The following MYPN variants were observed in gnomAD, a reference collection of about 807,000 sequenced individuals.
MYPN encodes the protein myopalladin, also known as sarcomeric protein myopalladin, 145 kDa (MYOP).
In MYPN, 63 loss-of-function variants were observed where a neutral mutation model predicts 129.4. The ratio of observed to expected loss-of-function variants is 0.49; its 90% CI spans 0.40 to 0.60. The LOEUF is 0.60. MYPN is among the 20% of genes least tolerant of loss of function. The pLI is 0.00. For missense variants in MYPN, 1,596 were observed against 1,635.4 expected, an observed-to-expected ratio of 0.98 and a Z score of 0.42; for synonymous variants, 629 against 600.9, an observed-to-expected ratio of 1.05 and a Z score of -0.68.
chr10:68,147,136 G>A (rs1045434253), intron 4 of MYPN, among the ~76,000 whole-genome samples: 1 of 152,036 alleles, frequency 6.6e-6, no homozygotes, highest in African/African-American at 2.4e-5. Context: ...AAAACCCTAT[G>A]AGATAAGAAT....
At chr10:68,155,076 G>A (rs2042845220) in intron 6 of MYPN, among the ~76,000 whole-genome samples, 1 of 152,108 alleles carries the variant, frequency 6.6e-6, no homozygotes, top group Non-Finnish European at 1.5e-5. Flanking sequence ...AGCTACTTGG[G>A]AGGCTGAGGC....
At chr10:68,145,772 C>A (rs2042655807) in intron 4 of MYPN, among the ~76,000 whole-genome samples, 1 of 152,174 alleles carries the variant, frequency 6.6e-6, no homozygotes, top group South Asian at 2.1e-4. Context: ...AGGATGAGCT[C>A]CTTAAGGGCA....
intron 11 of MYPN, among the ~76,000 whole-genome samples, chr10:68,174,960 C>T (rs2043204064): frequency 6.6e-6 from 1 of 151,964 alleles, no homozygotes; most frequent in Non-Finnish European, 1.5e-5. Context: ...CATGGTGAAA[C>T]CCCCGTCTCT....
chr10:68,100,976 T>C (rs747990406), intron 1 of MYPN, among the ~76,000 whole-genome samples: 22 of 152,346 alleles, frequency 1.4e-4, no homozygotes, highest in Middle Eastern at 3.4e-3. Flanking sequence ...TGATCTTTCC[T>C]GGCACATGAT....
chr10:68,141,785 C>G (rs60353309), intron 2 of MYPN, among the ~76,000 whole-genome samples: 2 of 152,080 alleles, frequency 1.3e-5, no homozygotes, highest in African/African-American at 4.8e-5. Context: ...TATGGTGGGG[C>G]GACATAATGA....
At chr10:68,178,315 C>A (rs2043259873) in intron 12 of MYPN, among the ~76,000 whole-genome samples, 1 of 152,162 alleles carries the variant, frequency 6.6e-6, no homozygotes, top group Non-Finnish European at 1.5e-5. Flanking sequence ...TAGGCTGCAT[C>A]ATTTGCTATT....
chr10:68,123,328 G>C (rs934345858), intron 2 of MYPN, among the ~76,000 whole-genome samples: 1 of 151,864 alleles, frequency 6.6e-6, no homozygotes, highest in African/African-American at 2.4e-5. Flanking sequence ...GTAGTGAGCC[G>C]AGATCGCACC....
At chr10:68,091,986 G>C (rs1378565922) in intron 1 of MYPN, among the ~76,000 whole-genome samples, 1 of 151,998 alleles carries the variant, frequency 6.6e-6, no homozygotes, top group Admixed American at 6.6e-5. Flanking sequence ...GGAGGCCAAG[G>C]TGAATGGATT....
At chr10:68,143,165 T>C (rs2042604326) in intron 3 of MYPN, 50 bp downstream of exon 3, 1 of 1,548,222 alleles carries the variant, frequency 6.5e-7, no homozygotes, top group Non-Finnish European at 8.9e-7. Context: ...AGACATTTAG[T>C]TATAATAAAT....
chr10:68,156,344 TACTC>T (rs1419215644), intron 6 of MYPN, among the ~76,000 whole-genome samples: 3 of 152,196 alleles, frequency 2.0e-5, no homozygotes, highest in Admixed American at 6.5e-5. Context: ...GTGGAGGACA[TACTC>T]ACCAGTTTGC....
intron 13 of MYPN, among the ~76,000 whole-genome samples, chr10:68,189,801 C>T (rs1204162183): frequency 1.3e-5 from 2 of 152,190 alleles, no homozygotes; most frequent in Non-Finnish European, 2.9e-5. Context: ...TGTAACTTGG[C>T]TATCATGAAT....
In MYPN at chr10:68,211,410, G is replaced by A. The variant is rs1173389270; in HGVS notation, c.*955G>A. The A allele has an allele frequency of 4.4e-6, 2 of 454,080 alleles. No individual in the cohort carries two copies. Among genetic ancestry groups the A allele is most frequent in the Non-Finnish European group, 8.8e-6 (2 of 226,786 alleles). The allele number at this position is 454,080 out of a possible 1,614,324, so 28.1% of individuals were successfully genotyped here. A position where few individuals can be genotyped will look rare whatever the true frequency, so the allele number is the denominator to read the frequency against. ...ATACAAACAAGGAGAGGAAATGATG[G>A]GAGAGTGTTGTTTTTGTCACTTGCC... On this transcript the variant is annotated 3_prime_UTR_variant, in exon 20 of 20. Coordinates refer to ENST00000358913, the MANE Select transcript of MYPN (RefSeq NM_032578.4).
In MYPN at chr10:68,143,168, TAATA is replaced by T. The variant is rs1242553358; in HGVS notation, c.1078+62_1078+65del. 5 of 1,538,514 alleles carry T rather than the reference TAATA, an allele frequency of 3.2e-6. No homozygotes were observed. In the Admixed American group the frequency reaches 5.0e-5, roughly 15 times the overall value. ...CACTTAATAGTAAGACATTTAGTTATAATAAATAAATATTTATTGAGGGCCTCCT... is the reference window on the plus strand; with the variant it reads ...CACTTAATAGTAAGACATTTAGTTATAATAAATATTTATTGAGGGCCTCCT... On this transcript the variant is annotated intron_variant, in intron 3 of 19. Coordinates refer to ENST00000358913, the MANE Select transcript of MYPN (RefSeq NM_032578.4).
chr10:68,101,758 T>C (rs1390887527), upstream of MYPN, among the ~76,000 whole-genome samples: 1 of 152,192 alleles, frequency 6.6e-6, no homozygotes, highest in Non-Finnish European at 1.5e-5. Flanking sequence ...TAGCTTATTA[T>C]ATTTTTAATT....
At chr10:68,119,886 A>G (rs771985942) in intron 1 of MYPN, among the ~76,000 whole-genome samples, 3 of 152,140 alleles carry the variant, frequency 2.0e-5, no homozygotes, top group Non-Finnish European at 4.4e-5. Flanking sequence ...ACTTTGCCAA[A>G]TCAGAGGTTA....
At chr10:68,157,773 T>C (rs1265912609) in intron 6 of MYPN, among the ~76,000 whole-genome samples, 2 of 147,748 alleles carry the variant, frequency 1.4e-5, no homozygotes, top group Admixed American at 1.4e-4. Flanking sequence ...GCCTGGGAGG[T>C]TGAAGCTGCA....
rs199476403 is a variant in MYPN at position 68,122,088 on chromosome 10, C to A, written c.650C>A (p.Ala217Glu). ...TCTTCTGTTCCCATCCCTATCCCTGCGGATACCAGGGATAATGAAGTGAAT... is the reference window on the plus strand; with the variant it reads ...TCTTCTGTTCCCATCCCTATCCCTGAGGATACCAGGGATAATGAAGTGAAT... ...ERSSVPIPIP[A>E]DTRDNEVNHA... Residue 217 changes from alanine to glutamate, a missense_variant, in exon 2 of 20, where the codon GCG (alanine) becomes GAG (glutamate). By Grantham distance (107) the Ala-to-Glu change is moderately radical. Coordinates refer to ENST00000358913, the MANE Select transcript of MYPN (RefSeq NM_032578.4). The A allele has an allele frequency of 1.9e-6, 3 of 1,614,136 alleles. No homozygotes were observed. Among genetic ancestry groups the A allele is most frequent in the Non-Finnish European group, 2.5e-6 (3 of 1,180,018 alleles).
chr10:68,124,974 C>T (rs911960036), intron 2 of MYPN, among the ~76,000 whole-genome samples: 4 of 152,130 alleles, frequency 2.6e-5, no homozygotes, highest in African/African-American at 9.7e-5. Flanking sequence ...GTGAGCACTC[C>T]AGTTGTGATA....
At chr10:68,142,187 A>G (rs781548245) in intron 2 of MYPN, among the ~76,000 whole-genome samples, 1 of 152,238 alleles carries the variant, frequency 6.6e-6, no homozygotes, top group Non-Finnish European at 1.5e-5. Flanking sequence ...AAGAGTGGTC[A>G]AACATTTAGA....
Sources: gnomAD v4.1 joint callset for allele counts (sites outside exome capture counted in the v4.1 genomes callset) on GRCh38, gnomAD v4.1.1 for gene constraint, MANE v1.5 for transcripts, NCBI Gene and HGNC (gene_info 2026-07-23, HGNC 2026-07-21) for gene names.